KCNN2: variants seen among roughly 807,000 people sequenced by gnomAD.
The protein encoded by KCNN2 is small conductance calcium-activated potassium channel protein 2.
In KCNN2, 24 loss-of-function variants were observed where a neutral mutation model predicts 55.5. The ratio of observed to expected loss-of-function variants is 0.43; its 90% CI spans 0.31 to 0.61. The LOEUF (loss-of-function observed/expected upper bound fraction) is 0.61, where lower values mean the gene tolerates loss of function less well. Among genes scored for constraint, KCNN2 ranks in the 20% least tolerant of loss-of-function variants. KCNN2 has a pLI of 0.08. For synonymous variants in KCNN2, 431 were observed against 336.1 expected, an observed-to-expected ratio of 1.28 and a Z score of -3.09; for missense variants, 754 against 853.6, an observed-to-expected ratio of 0.88 and a Z score of 1.45.
intron 2 of KCNN2, among the ~76,000 whole-genome samples, chr5:114,388,841 A>G (rs1758363445): frequency 6.6e-6 from 1 of 152,148 alleles, no homozygotes; most frequent in Non-Finnish European, 1.5e-5. Context: ...CTGGATAGGA[A>G]TATTTCTAAA....
chr5:114,280,973 C>T lies in KCNN2; in HGVS notation c.-185+59408C>T, dbSNP rs551287249. Among the ~76,000 whole-genome samples the T allele has an allele frequency of 1.1e-3, 169 of 151,976 alleles. 1 individual carries two copies. The highest frequency in any genetic ancestry group is 1.1e-3 in the Non-Finnish European group (73 of 67,988). On this transcript the variant is annotated intron_variant, in intron 2 of 10. Transcript: ENST00000512097. ...TTGAGCACACTAACCCTTCTTTTGC[C>T]GTTATATTTGATATTTTCCTCTTTA...
chr5:114,458,859 G>A (rs1487892626), intron 3 of KCNN2, among the ~76,000 whole-genome samples: 4 of 152,172 alleles, frequency 2.6e-5, no homozygotes, highest in African/African-American at 9.7e-5. Flanking sequence ...AAGGGGGGAC[G>A]TGTTTCCCAG....
chr5:114,327,107 T>C (rs913978537), intron 2 of KCNN2, among the ~76,000 whole-genome samples: 2 of 152,206 alleles, frequency 1.3e-5, no homozygotes, highest in Non-Finnish European at 2.9e-5. Context: ...ATCAATAAAA[T>C]GTCACATTTT....
At chr5:114,225,015 A>G (rs1301144609) in intron 2 of KCNN2, among the ~76,000 whole-genome samples, 2 of 152,242 alleles carry the variant, frequency 1.3e-5, no homozygotes, top group African/African-American at 2.4e-5. Context: ...ATTGCCTGAG[A>G]AAATCTATCC....
chr5:114,434,282 A>G (rs1054044500), intron 3 of KCNN2, among the ~76,000 whole-genome samples: 2 of 151,802 alleles, frequency 1.3e-5, no homozygotes, highest in African/African-American at 4.8e-5. Context: ...CCATCAAGAC[A>G]TTCTTTATTT....
intron 1 of KCNN2, among the ~76,000 whole-genome samples, chr5:114,099,873 T>C (rs1751339566): frequency 6.6e-6 from 1 of 151,848 alleles, no homozygotes; most frequent in Admixed American, 6.6e-5. Context: ...TTTTAAATAA[T>C]ATATATAAAG....
At position 114,193,173 on chromosome 5, in the gene KCNN2, G is replaced by C. The variant is rs561256170; in HGVS notation, c.-270-28307G>C. Among the ~76,000 whole-genome samples, 19 of 152,110 alleles carry C rather than the reference G, an allele frequency of 1.2e-4. No homozygotes were observed. In the East Asian group the frequency reaches 3.1e-3, roughly 25 times the overall value. On this transcript the variant is annotated intron_variant, in intron 1 of 10. Coordinates refer to the KCNN2 transcript ENST00000512097. ...TTTTGGATCCTTCCCCCTTCATCCA[G>C]CTCTTCAAATGTCTCCCCTGCATGA... is the stretch of plus-strand genomic sequence containing the variant.
At chr5:114,221,730 C>A (rs1754142848) in intron 2 of KCNN2, among the ~76,000 whole-genome samples, 1 of 152,038 alleles carries the variant, frequency 6.6e-6, no homozygotes, top group South Asian at 2.1e-4. Flanking sequence ...GTATTACCTG[C>A]CTATTTCTCT....
intron 2 of KCNN2, among the ~76,000 whole-genome samples, chr5:114,332,134 A>T (rs1756836003): frequency 6.6e-6 from 1 of 152,260 alleles, no homozygotes; most frequent in African/African-American, 2.4e-5. Context: ...TTTTAATTTC[A>T]AATGCCATGG....
chr5:114,060,536 A>G (rs1486070385), intron 1 of KCNN2, among the ~76,000 whole-genome samples: 1 of 152,194 alleles, frequency 6.6e-6, no homozygotes. Context: ...AGACCATCCC[A>G]TTCTCACTAA....
rs6149185 is a variant in KCNN2 at position 114,323,649 on chromosome 5, A to ATTTTTTTTTTTTTTTTTTTTTTTTTTT, written c.-184-37278_-184-37277insTTTTTTTTTTTTTTTTTTTTTTTTTTT. Among the ~76,000 whole-genome samples the ATTTTTTTTTTTTTTTTTTTTTTTTTTT allele has an allele frequency of 2.3e-3, 199 of 85,280 alleles. 40 individuals carry two copies. The highest frequency in any genetic ancestry group is 3.4e-3 in the Non-Finnish European group (150 of 44,034). 55.9% of individuals were successfully genotyped at this position (85,280 alleles called of 152,430 possible). On this transcript the variant is annotated intron_variant, in intron 2 of 10. Transcript: ENST00000512097. ...TAAGTATCATGATATAAACATATCA[A>ATTTTTTTTTTTTTTTTTTTTTTTTTTT]TTTTTTTTTTTTTTTTTTGCTGGTC...
chr5:114,479,213 C>T (rs1487938654), intron 5 of KCNN2, among the ~76,000 whole-genome samples: 1 of 124,102 alleles, frequency 8.1e-6, no homozygotes, highest in Non-Finnish European at 1.7e-5. Context: ...ATTTACCAAC[C>T]AAATGAAAAC....
chr5:114,251,604 G>C (rs539913282), intron 2 of KCNN2, among the ~76,000 whole-genome samples: 1 of 152,166 alleles, frequency 6.6e-6, no homozygotes, highest in Non-Finnish European at 1.5e-5. Context: ...TCTTTTCTTT[G>C]TTACATTCAG....
intron 2 of KCNN2, among the ~76,000 whole-genome samples, chr5:114,283,361 T>C (rs1232397199): frequency 6.6e-6 from 1 of 152,206 alleles, no homozygotes; most frequent in Non-Finnish European, 1.5e-5. Context: ...ATTCTATTTT[T>C]CAGTTCTATT....
At chr5:114,149,811 G>T (rs942613986) in intron 1 of KCNN2, among the ~76,000 whole-genome samples, 2 of 152,128 alleles carry the variant, frequency 1.3e-5, no homozygotes, top group African/African-American at 2.4e-5. Context: ...ATAGAAACAG[G>T]ACGTGAAGCT....
At chr5:114,135,753 G>A (rs1401930683) in intron 1 of KCNN2, among the ~76,000 whole-genome samples, 1 of 152,170 alleles carries the variant, frequency 6.6e-6, no homozygotes, top group Non-Finnish European at 1.5e-5. Flanking sequence ...AACAGAGACT[G>A]TGAAAGTGAA....
At chr5:114,098,433 C>A (rs1266788217) in intron 1 of KCNN2, among the ~76,000 whole-genome samples, 1 of 151,984 alleles carries the variant, frequency 6.6e-6, no homozygotes, top group Non-Finnish European at 1.5e-5. Flanking sequence ...GTGAGCATTA[C>A]TGCCTGAGTT....
chr5:114,355,246 A>G (rs1343741273), intron 2 of KCNN2, among the ~76,000 whole-genome samples: 1 of 152,208 alleles, frequency 6.6e-6, no homozygotes, highest in Non-Finnish European at 1.5e-5. Context: ...TAAGGCAAAC[A>G]TAGTAATAGG....
chr5:114,484,468 A>G (rs1205284207), intron 5 of KCNN2, among the ~76,000 whole-genome samples: 2 of 152,160 alleles, frequency 1.3e-5, no homozygotes, highest in Non-Finnish European at 2.9e-5. Flanking sequence ...AAATTTATAT[A>G]AATAAAAAAA....
Sources: gnomAD v4.1 joint callset for allele counts (sites outside exome capture counted in the v4.1 genomes callset) on GRCh38, gnomAD v4.1.1 for gene constraint, MANE v1.5 for transcripts, NCBI Gene and HGNC (gene_info 2026-07-23, HGNC 2026-07-21) for gene names.